The following DIP2B variants were observed in gnomAD, a reference collection of about 807,000 sequenced individuals.
DIP2B encodes DIP2 acetate--CoA ligase B (putative).
In DIP2B, 76 loss-of-function variants were observed where a neutral mutation model predicts 198.0. The observed-to-expected ratio is 0.38, with a 90% CI of 0.32 to 0.46. The LOEUF is 0.46. Ranked by LOEUF, DIP2B falls within the 20% of genes least tolerant of loss-of-function variation. DIP2B has a pLI of 0.99. For missense variants in DIP2B, 1,559 were observed against 1,978.4 expected (o/e 0.79, Z 4.02); for synonymous variants, 701 against 739.1 (o/e 0.95, Z 0.84).
At chr12:50,532,582 T>A (rs1271944251) in intron 1 of DIP2B, among the ~76,000 whole-genome samples, 1 of 152,076 alleles carries the variant, frequency 6.6e-6, no homozygotes, top group East Asian at 1.9e-4. Context: ...TGTGAAGACA[T>A]ACAAAAAAAC....
chr12:50,589,942 A>G (rs1958804178), intron 1 of DIP2B, among the ~76,000 whole-genome samples: 1 of 151,948 alleles, frequency 6.6e-6, no homozygotes, highest in Non-Finnish European at 1.5e-5. Flanking sequence ...CTGCCTTTTA[A>G]CTGGTGAAAG....
At chr12:50,634,323 T>A (rs1938118769) in intron 2 of DIP2B, among the ~76,000 whole-genome samples, 1 of 152,192 alleles carries the variant, frequency 6.6e-6, no homozygotes, top group Non-Finnish European at 1.5e-5. Flanking sequence ...AATGGAAGAT[T>A]TTGTGTAGAA....
At chr12:50,717,053 C>G (rs1036528087) in intron 23 of DIP2B, among the ~76,000 whole-genome samples, 1 of 141,576 alleles carries the variant, frequency 7.1e-6, no homozygotes, top group African/African-American at 2.6e-5. Flanking sequence ...CCTCTGCCAC[C>G]CAGGATCCAA....
At chr12:50,512,770 C>T (rs555843190) in intron 1 of DIP2B, among the ~76,000 whole-genome samples, 6 of 152,294 alleles carry the variant, frequency 3.9e-5, no homozygotes, top group East Asian at 3.9e-4. Flanking sequence ...CTTTGGGAGG[C>T]GGAGCCGGGT....
chr12:50,711,585 G>C (rs889933624), intron 22 of DIP2B, among the ~76,000 whole-genome samples: 6 of 152,216 alleles, frequency 3.9e-5, no homozygotes, highest in Non-Finnish European at 7.4e-5. Context: ...TTTTGAGATA[G>C]AGTTTCACTC....
chr12:50,541,403 C>CTTT (rs57979674), intron 1 of DIP2B, among the ~76,000 whole-genome samples: 6 of 128,616 alleles, frequency 4.7e-5, no homozygotes, highest in Non-Finnish European at 4.9e-5. Flanking sequence ...AAAGAACATT[C>CTTT]TTTTTTTTTT....
chr12:50,677,485 G>T (rs1176026977), intron 7 of DIP2B, among the ~76,000 whole-genome samples: 2 of 151,918 alleles, frequency 1.3e-5, no homozygotes, highest in South Asian at 2.1e-4. Context: ...CGTGGTGGCG[G>T]GCGCCTATAA....
intron 1 of DIP2B, among the ~76,000 whole-genome samples, chr12:50,590,721 A>G (rs1218598940): frequency 6.6e-6 from 1 of 152,196 alleles, no homozygotes; most frequent in Non-Finnish European, 1.5e-5. Context: ...CATTATTATG[A>G]TCATTTCCAG....
intron 2 of DIP2B, among the ~76,000 whole-genome samples, chr12:50,638,531 C>T (rs1938197965): frequency 1.3e-5 from 2 of 152,188 alleles, no homozygotes; most frequent in South Asian, 4.1e-4. Flanking sequence ...TATAGTATCT[C>T]ATTATGTTGA....
At chr12:50,553,177 C>T (rs1446630159) in intron 1 of DIP2B, among the ~76,000 whole-genome samples, 1 of 152,184 alleles carries the variant, frequency 6.6e-6, no homozygotes, top group Admixed American at 6.5e-5. Context: ...GGTACATCTT[C>T]ATTCTTCTGC....
chr12:50,615,333 G>A (rs188810371), intron 1 of DIP2B, among the ~76,000 whole-genome samples: 4 of 151,968 alleles, frequency 2.6e-5, no homozygotes, highest in East Asian at 1.9e-4. Flanking sequence ...GTGCATAATA[G>A]CATGGTTTAT....
intron 1 of DIP2B, among the ~76,000 whole-genome samples, chr12:50,507,815 C>T (rs1011046463): frequency 6.6e-6 from 1 of 152,214 alleles, no homozygotes; most frequent in Non-Finnish European, 1.5e-5. Context: ...GGATTACAGG[C>T]GTGAGCCACC....
intron 1 of DIP2B, among the ~76,000 whole-genome samples, chr12:50,519,971 G>T (rs1385716386): frequency 6.7e-6 from 1 of 149,008 alleles, no homozygotes. Flanking sequence ...AGAACTTATG[G>T]CTTTTAATTC....
intron 30 of DIP2B, among the ~76,000 whole-genome samples, chr12:50,730,886 T>C (rs1940031057): frequency 6.6e-6 from 1 of 152,210 alleles, no homozygotes; most frequent in African/African-American, 2.4e-5. Context: ...CCCTGGCTTA[T>C]CGAGCTTGAA....
intron 1 of DIP2B, among the ~76,000 whole-genome samples, chr12:50,557,489 A>C (rs1281568820): frequency 6.6e-6 from 1 of 152,166 alleles, no homozygotes; most frequent in Non-Finnish European, 1.5e-5. Flanking sequence ...TCGGCTGTAC[A>C]TTCTTACTTT....
chr12:50,733,195 C>T (rs960657751), intron 32 of DIP2B, among the ~76,000 whole-genome samples: 9 of 151,870 alleles, frequency 5.9e-5, no homozygotes, highest in Admixed American at 4.6e-4. Context: ...CATGAGCCAC[C>T]GCGCCCGGTC....
intron 35 of DIP2B, among the ~76,000 whole-genome samples, chr12:50,738,186 A>C (rs1213502850): frequency 6.6e-6 from 1 of 152,072 alleles, no homozygotes; most frequent in Non-Finnish European, 1.5e-5. Context: ...CTAAAAATAC[A>C]AAAATTAGCT....
At chr12:50,583,892 A>T (rs978974208) in intron 1 of DIP2B, among the ~76,000 whole-genome samples, 1 of 152,048 alleles carries the variant, frequency 6.6e-6, no homozygotes, top group South Asian at 2.1e-4. Context: ...GTTTCTTTAG[A>T]CCACTCAGTC....
intron 8 of DIP2B, 199 bp downstream of exon 8, chr12:50,679,075 A>T (rs912453424): frequency 1.6e-6 from 1 of 611,896 alleles, no homozygotes; most frequent in African/African-American, 1.8e-5. Context: ...CAAGCCAGCT[A>T]ATATTTAAAA....
Sources: allele counts gnomAD v4.1 joint callset (sites outside exome capture counted in the v4.1 genomes callset), GRCh38; gene constraint gnomAD v4.1.1; transcripts MANE v1.5; gene names NCBI Gene and HGNC (gene_info 2026-07-23, HGNC 2026-07-21).